Variants in DHRSX observed in about 807,000 individuals in gnomAD.
DHRSX encodes dehydrogenase/reductase X-linked, also known as polyprenol dehydrogenase.
In DHRSX, 31 loss-of-function variants were observed where a neutral mutation model predicts 34.0. The ratio of observed to expected loss-of-function variants is 0.91; its 90% CI spans 0.69 to 1.23. The LOEUF is 1.23. Among genes scored for constraint, DHRSX ranks in the 50% most tolerant of loss-of-function variants. DHRSX has a pLI of 0.00. For synonymous variants in DHRSX, 201 were observed against 183.8 expected, an observed-to-expected ratio of 1.09 and a Z score of -0.76; for missense variants, 414 against 428.1, an observed-to-expected ratio of 0.97 and a Z score of 0.29.
At chrX:2,285,005 T>C in intron 4 of DHRSX, among the ~76,000 whole-genome samples, 1 of 152,278 alleles carries the variant, frequency 6.6e-6, no homozygotes, top group Non-Finnish European at 1.5e-5. Flanking sequence ...TTGAGGCACG[T>C]GGTTGACTAG....
At chrX:2,486,719 G>C (rs182611885) in intron 1 of DHRSX, 2 of 152,412 alleles carry the variant, frequency 1.3e-5, no homozygotes, top group African/African-American at 4.8e-5. Flanking sequence ...CCTTCCAGCT[G>C]CCCTTCTGCC....
chrX:2,236,501 G>A (rs1166142775), intron 6 of DHRSX, among the ~76,000 whole-genome samples: 2 of 151,988 alleles, frequency 1.3e-5, no homozygotes, highest in Non-Finnish European at 2.9e-5. Context: ...GCGCGATCTC[G>A]GCTCACTGCA....
At chrX:2,437,890 C>T (rs1391498555) in intron 1 of DHRSX, among the ~76,000 whole-genome samples, 1 of 151,970 alleles carries the variant, frequency 6.6e-6, no homozygotes, top group Non-Finnish European at 1.5e-5. Flanking sequence ...TAAGAACCTT[C>T]AGAGTCCAAT....
chrX:2,265,776 G>A (rs1225787739), intron 5 of DHRSX, among the ~76,000 whole-genome samples: 16 of 142,760 alleles, frequency 1.1e-4, no homozygotes, highest in African/African-American at 3.4e-4. Flanking sequence ...GACGCAGGGA[G>A]CACTGTCCCC....
In DHRSX at chrX:2,325,193, C is replaced by A. The variant is rs1408888628; in HGVS notation, c.287-33590G>T. ...CTTGTACGGGTGAATGTCGGGAGGA[C>A]CTAGGGACTAGACACGTTCAAGATG... is the stretch of plus-strand genomic sequence containing the variant. On this transcript the variant is annotated intron_variant, in intron 3 of 6. Coordinates refer to ENST00000334651, the MANE Select transcript of DHRSX (RefSeq NM_145177.3). 2.6e-5 allele frequency among the ~76,000 whole-genome samples: 4 copies of A among 151,972 alleles called. No homozygotes were observed. The East Asian group carries it at 7.7e-4, about 29-fold the overall frequency.
chrX:2,383,872 A>C (rs367807104), intron 3 of DHRSX, among the ~76,000 whole-genome samples: 1 of 152,190 alleles, frequency 6.6e-6, no homozygotes, highest in African/African-American at 2.4e-5. Flanking sequence ...AGAGGAGGGG[A>C]AGAATTCTCA....
intron 3 of DHRSX, among the ~76,000 whole-genome samples, chrX:2,371,317 T>TA (rs1395967698): frequency 6.8e-5 from 10 of 148,042 alleles, no homozygotes; most frequent in Non-Finnish European, 1.0e-4. Context: ...TAGACCCTCC[T>TA]CCCGTTACTA....
chrX:2,310,300 G>C (rs1405289603), intron 3 of DHRSX, among the ~76,000 whole-genome samples: 1 of 152,086 alleles, frequency 6.6e-6, no homozygotes, highest in African/African-American at 2.4e-5. Flanking sequence ...CCAGGTGCCC[G>C]AACTGCCGGA....
At chrX:2,248,754 C>T (rs749437153) in intron 5 of DHRSX, among the ~76,000 whole-genome samples, 60 of 152,150 alleles carry the variant, frequency 3.9e-4, no homozygotes, top group African/African-American at 1.3e-3. Flanking sequence ...AGAAGGAAGG[C>T]GCACTGCTCA....
At chrX:2,237,208 T>C (rs1602774271) in intron 6 of DHRSX, among the ~76,000 whole-genome samples, 1 of 152,024 alleles carries the variant, frequency 6.6e-6, no homozygotes, top group East Asian at 1.9e-4. Flanking sequence ...AATAAAAAAA[T>C]TCCCAGTACC....
intron 3 of DHRSX, among the ~76,000 whole-genome samples, chrX:2,311,228 GAGAA>G (rs1450075195): frequency 6.6e-6 from 1 of 152,036 alleles, no homozygotes; most frequent in Admixed American, 6.6e-5. Flanking sequence ...CAGAGAGGGA[GAGAA>G]AGAGAGAGAG....
In DHRSX at chrX:2,472,477, T is replaced by A. The variant is rs144248650; in HGVS notation, c.109+28340A>T. On this transcript the variant is annotated intron_variant, in intron 1 of 6. Transcript: ENST00000334651. ...GAACCTGCACACGTGCCCCTGAACC[T>A]GAAAGTTTAAAAAGTAGGCCAGGAG... is the stretch of plus-strand genomic sequence containing the variant. 3.3e-3 allele frequency among the ~76,000 whole-genome samples: 506 copies of A among 152,094 alleles called. 9 individuals carry two copies. Among genetic ancestry groups the A allele is most frequent in the African/African-American group, 0.011 (444 of 41,490 alleles).
intron 1 of DHRSX, chrX:2,489,196 G>T (rs764746922): frequency 1.9e-6 from 3 of 1,613,626 alleles, no homozygotes; most frequent in South Asian, 1.1e-5. Flanking sequence ...CGCCGTCTTT[G>T]ACCTTGTCCA....
At chrX:2,334,957 A>T (rs1430667357) in intron 3 of DHRSX, 2 of 151,938 alleles carry the variant, frequency 1.3e-5, no homozygotes, top group African/African-American at 4.8e-5. Context: ...AGGCGGGCGG[A>T]TTGTCTGAGG....
chrX:2,386,724 A>C (rs2043276803), intron 3 of DHRSX, among the ~76,000 whole-genome samples: 1 of 152,186 alleles, frequency 6.6e-6, no homozygotes, highest in Non-Finnish European at 1.5e-5. Context: ...CTTTTTTTGC[A>C]TAAGTTTAAA....
chrX:2,245,303 A>C (rs1207294832), intron 5 of DHRSX, among the ~76,000 whole-genome samples: 1 of 151,932 alleles, frequency 6.6e-6, no homozygotes, highest in Non-Finnish European at 1.5e-5. Flanking sequence ...CTGCTTTTCA[A>C]GGACTATACT....
chrX:2,486,541 C>T (rs369012694), intron 1 of DHRSX: 1 of 152,124 alleles, frequency 6.6e-6, no homozygotes, highest in African/African-American at 2.4e-5. Context: ...AAGACAGAGC[C>T]GGGACAGTTC....
At chrX:2,468,673 C>G (rs999193438) in intron 1 of DHRSX, among the ~76,000 whole-genome samples, 9 of 148,720 alleles carry the variant, frequency 6.1e-5, no homozygotes, top group Admixed American at 2.7e-4. Context: ...AAGGGACCTC[C>G]ACCATGTACA....
At chrX:2,486,851 G>A (rs1432198689) in intron 1 of DHRSX, 1 of 152,234 alleles carries the variant, frequency 6.6e-6, no homozygotes, top group African/African-American at 2.4e-5. Flanking sequence ...GGCTCAGGAC[G>A]TAAGGATAAC....
Sources: allele counts gnomAD v4.1 joint callset (sites outside exome capture counted in the v4.1 genomes callset), GRCh38; gene constraint gnomAD v4.1.1; transcripts MANE v1.5; gene names NCBI Gene and HGNC (gene_info 2026-07-23, HGNC 2026-07-21).